ADAMTS9: variants seen among roughly 807,000 people sequenced by gnomAD.
ADAMTS9 encodes the protein ADAM metallopeptidase with thrombospondin type 1 motif 9.
ADAMTS9 carries 107 observed loss-of-function variants against 257.1 expected under a neutral mutation model. The ratio of observed to expected loss-of-function variants is 0.42; its 90% CI spans 0.36 to 0.49. The LOEUF is 0.49. ADAMTS9 is among the 20% of genes least tolerant of loss of function. ADAMTS9 has a pLI of 0.03. For synonymous variants in ADAMTS9, 982 were observed against 880.9 expected, an observed-to-expected ratio of 1.11 and a Z score of -2.03; for missense variants, 2,353 against 2,469.1, an observed-to-expected ratio of 0.95 and a Z score of 1.00.
chr3:64,637,727 G>A (rs998775967), intron 12 of ADAMTS9, among the ~76,000 whole-genome samples: 2 of 152,200 alleles, frequency 1.3e-5, no homozygotes, highest in African/African-American at 2.4e-5. Context: ...TAATTCCTGT[G>A]CCTGGAGGTT....
chr3:64,687,335 A>G lies in ADAMTS9; in HGVS notation c.115+208T>C, dbSNP rs1226357613. Among the ~76,000 whole-genome samples the G allele has an allele frequency of 1.3e-5, 2 of 151,778 alleles. No homozygotes were observed. Among genetic ancestry groups the G allele is most frequent in the African/African-American group, 2.4e-5 (1 of 41,338 alleles). ...GGGATATATCTGGCAACAGCAAGGT[A>G]GGGGGGGGTTGCCTAAATTCGTTTC... On this transcript the variant is annotated intron_variant, in intron 1 of 39. Coordinates refer to ENST00000498707, the MANE Select transcript of ADAMTS9 (RefSeq NM_182920.2). This position sits in a 1 kb window ranked among gnomAD's most constrained non-coding sequence, Gnocchi z 4.4.
intron 31 of ADAMTS9, among the ~76,000 whole-genome samples, chr3:64,547,264 C>G (rs2083212753): frequency 6.6e-6 from 1 of 152,078 alleles, no homozygotes; most frequent in Non-Finnish European, 1.5e-5. Flanking sequence ...GTCATTCATT[C>G]AGTTTGCATC....
At chr3:64,639,099 T>A (rs919622692) in intron 12 of ADAMTS9, among the ~76,000 whole-genome samples, 4 of 152,094 alleles carry the variant, frequency 2.6e-5, no homozygotes, top group African/African-American at 9.7e-5. Context: ...AACAAGCTTT[T>A]AAACTGAGAT....
chr3:64,605,924 A>G (rs1028368639), intron 23 of ADAMTS9, among the ~76,000 whole-genome samples: 4 of 152,232 alleles, frequency 2.6e-5, no homozygotes, highest in Non-Finnish European at 5.9e-5. Flanking sequence ...CATACAGCCA[A>G]CTGATTCTCA....
At chr3:64,674,257 T>A (rs973601473) in intron 3 of ADAMTS9, among the ~76,000 whole-genome samples, 8 of 151,854 alleles carry the variant, frequency 5.3e-5, no homozygotes, top group African/African-American at 1.9e-4. Flanking sequence ...CAGAAAGTCA[T>A]TGAAGACTAT....
Position 64,516,608 on chromosome 3 carries a change from T to G in ADAMTS9, c.*519A>C, listed in dbSNP as rs1191464869. On this transcript the variant is annotated 3_prime_UTR_variant, in exon 40 of 40. Transcript: ENST00000498707. ...CTGAATACTTATTTAACATAGTTAA[T>G]AGTTGGTACAATCTGTGATATCACT... 6.6e-6 allele frequency: 1 copy of G among 152,654 alleles called. No homozygotes were observed. Among genetic ancestry groups the G allele is most frequent in the Non-Finnish European group, 1.5e-5 (1 of 68,030 alleles). 9.5% of individuals were successfully genotyped at this position (152,654 alleles called of 1,614,324 possible).
intron 16 of ADAMTS9, among the ~76,000 whole-genome samples, chr3:64,629,683 A>G (rs576419621): frequency 1.3e-5 from 2 of 152,322 alleles, no homozygotes; most frequent in East Asian, 3.9e-4. Flanking sequence ...TTTATTGCCT[A>G]TTGTTTATTG....
rs553116560 is a variant in ADAMTS9 at position 64,621,761 on chromosome 3, CAAAAAAATAAAAAAAT to C, written c.2686+421_2686+436del. ...TGGGCGACAGACCAAGACTCCATCT[CAAAAAAATAAAAAAAT>C]AAAAAAATAAAAAAATAAAAAGAAA... On this transcript the variant is annotated intron_variant, in intron 18 of 39. Transcript: ENST00000498707. Among the ~76,000 whole-genome samples the C allele has an allele frequency of 1.7e-4, 21 of 124,898 alleles. No homozygotes were observed. In the South Asian group the frequency reaches 3.8e-3, roughly 22 times the overall value. 81.9% of individuals were successfully genotyped at this position (124,898 alleles called of 152,430 possible).
rs576797329 is a variant in ADAMTS9 at position 64,604,169 on chromosome 3, T to C, written c.3579+58A>G. On this transcript the variant is annotated intron_variant, in intron 24 of 39. Coordinates refer to ENST00000498707, the MANE Select transcript of ADAMTS9 (RefSeq NM_182920.2). ...GACAGTAGCCCACTTTCTATAGCCA[T>C]GTCTGAGAATGTTAGCCCCCATCCT... is the stretch of plus-strand genomic sequence containing the variant. The C allele has an allele frequency of 3.4e-5, 54 of 1,598,892 alleles. No individual in the cohort carries two copies. The South Asian group carries it at 5.3e-4, about 16-fold the overall frequency.
At chr3:64,547,848 C>T (rs1233159562) in intron 31 of ADAMTS9, among the ~76,000 whole-genome samples, 1 of 151,064 alleles carries the variant, frequency 6.6e-6, no homozygotes, top group African/African-American at 2.5e-5. Context: ...TTTCAACCTC[C>T]TTAGCTAAGT....
intron 26 of ADAMTS9, among the ~76,000 whole-genome samples, chr3:64,598,319 A>ATTT (rs34859673): frequency 1.5e-5 from 2 of 136,292 alleles, no homozygotes; most frequent in Admixed American, 7.4e-5. Context: ...TTCATTTCCT[A>ATTT]TTTTTTTTTT....
intron 2 of ADAMTS9, among the ~76,000 whole-genome samples, chr3:64,685,799 A>C (rs1472758410): frequency 4.6e-5 from 7 of 152,168 alleles, no homozygotes; most frequent in African/African-American, 1.7e-4. Context: ...CCCCAGAGGA[A>C]CCGAAATCAC....
At position 64,543,443 on chromosome 3, in the gene ADAMTS9, G is replaced by A. The variant is rs1260632714; in HGVS notation, c.5065-1473C>T. 9.2e-5 allele frequency among the ~76,000 whole-genome samples: 14 copies of A among 152,228 alleles called. No individual in the cohort carries two copies. In the East Asian group the frequency reaches 1.2e-3, roughly 13 times the overall value. ...CATGATCAAGTTGGCTTCATCCCTG[G>A]GATGCAAGGCTGGTTCAACATATGC... On this transcript the variant is annotated intron_variant, in intron 32 of 39. Coordinates refer to ENST00000498707, the MANE Select transcript of ADAMTS9 (RefSeq NM_182920.2).
intron 28 of ADAMTS9, chr3:64,588,620 C>T (rs750235656): frequency 1.6e-4 from 25 of 152,158 alleles, no homozygotes; most frequent in South Asian, 6.2e-4. Context: ...GGCAACTCCA[C>T]AACAGGAGTG....
At chr3:64,527,657 G>GTT (rs954797608) in intron 38 of ADAMTS9, among the ~76,000 whole-genome samples, 1 of 150,856 alleles carries the variant, frequency 6.6e-6, no homozygotes, top group Non-Finnish European at 1.5e-5. Context: ...AGCATATAGG[G>GTT]TTTTTTTTTC....
At position 64,645,778 on chromosome 3, in the gene ADAMTS9, C is replaced by T. The variant is rs115984487; in HGVS notation, c.1710+2162G>A. ...GCATCCTGAGCCTGCCTTGGGAATG[C>T]CTTGAAGGCTCCTGCTCTTGCTACA... On this transcript the variant is annotated intron_variant, in intron 11 of 39. Coordinates refer to ENST00000498707, the MANE Select transcript of ADAMTS9 (RefSeq NM_182920.2). Among the ~76,000 whole-genome samples, 936 of 152,248 alleles carry T rather than the reference C, an allele frequency of 6.1e-3. 12 individuals are homozygous for T. Among genetic ancestry groups the T allele is most frequent in the African/African-American group, 0.021 (886 of 41,540 alleles).
chr3:64,566,651 T>C (rs1015250832), intron 29 of ADAMTS9, among the ~76,000 whole-genome samples: 5 of 152,190 alleles, frequency 3.3e-5, no homozygotes, highest in African/African-American at 1.2e-4. Context: ...ATTCTTTTAA[T>C]TATCCTTTGT....
At chr3:64,651,681 A>G (rs1273703200) in intron 8 of ADAMTS9, among the ~76,000 whole-genome samples, 1 of 152,182 alleles carries the variant, frequency 6.6e-6, no homozygotes, top group African/African-American at 2.4e-5. Context: ...CTGCGTAGGT[A>G]TATCATTCTA....
Position 64,550,956 on chromosome 3 carries a change from A to T in ADAMTS9, c.4805T>A (p.Val1602Glu), listed in dbSNP as rs778373396. 10 of 1,614,174 alleles carry T rather than the reference A, an allele frequency of 6.2e-6. No homozygotes were observed. Among genetic ancestry groups the T allele is most frequent in the Non-Finnish European group, 8.5e-6 (10 of 1,180,032 alleles). ...GARCDVSKRP[V>E]DRESCSLQPC... is the part of the protein sequence containing the mutation. The stretch of plus-strand genomic sequence containing the variant: ...TTGCAAACTACAGCTTTCACGGTCC[A>T]CCGGCCGCTTGCTCACGTCACAGCG... Residue 1602 changes from valine (V) to glutamate (E), a missense_variant, in exon 31 of 40, where the codon GTG becomes GAG. Val to Glu is a moderately radical substitution (Grantham distance 121). Around this residue, in one of 3 missense-constraint regions of ADAMTS9, gnomAD observed 1,402 missense variants for 1,441.4 expected, o/e 0.97. Transcript: ENST00000498707.
Sources: allele counts gnomAD v4.1 joint callset (sites outside exome capture counted in the v4.1 genomes callset), GRCh38; gene constraint gnomAD v4.1.1; regional missense constraint gnomAD v4.1.1; non-coding constraint Gnocchi (gnomAD v3.1); transcripts MANE v1.5; gene names NCBI Gene and HGNC (gene_info 2026-07-23, HGNC 2026-07-21).